IGF2R: variants seen among roughly 807,000 people sequenced by gnomAD.
IGF2R encodes the protein cation-independent mannose-6-phosphate receptor.
In IGF2R, 91 loss-of-function variants were observed where a neutral mutation model predicts 270.6. The observed-to-expected ratio is 0.34, with a 90% CI of 0.28 to 0.40. IGF2R has a LOEUF of 0.40. IGF2R is among the 10% of genes least tolerant of loss of function. IGF2R has a pLI of 1.00. For synonymous variants in IGF2R, 1,316 were observed against 1,258.9 expected, an observed-to-expected ratio of 1.05 and a Z score of -0.96; for missense variants, 2,805 against 3,188.3, an observed-to-expected ratio of 0.88 and a Z score of 2.90.
At chr6:160,066,416 G>T (rs768678868) in intron 29 of IGF2R, among the ~76,000 whole-genome samples, 2 of 152,088 alleles carry the variant, frequency 1.3e-5, no homozygotes, top group African/African-American at 2.4e-5. Flanking sequence ...GCCTCCCAAA[G>T]TGCTGGGATT....
intron 11 of IGF2R, among the ~76,000 whole-genome samples, chr6:160,042,135 G>A (rs535619668): frequency 2.2e-4 from 34 of 152,130 alleles, no homozygotes; most frequent in Non-Finnish European, 4.1e-4. Context: ...GTATTTGTGC[G>A]TAGATAGCCC....
intron 1 of IGF2R, among the ~76,000 whole-genome samples, chr6:159,980,175 C>T (rs1009417847): frequency 7.6e-5 from 8 of 105,376 alleles, no homozygotes; most frequent in East Asian, 7.2e-4. Flanking sequence ...AGTGAGACTC[C>T]GTCTCAAAAA....
intron 5 of IGF2R, among the ~76,000 whole-genome samples, chr6:160,025,650 A>T (rs1777543568): frequency 1.3e-5 from 2 of 152,204 alleles, no homozygotes; most frequent in South Asian, 4.1e-4. Context: ...AGGGCTCACC[A>T]AAAGTAACCA....
At chr6:160,098,381 T>TA (rs1437382885) in intron 45 of IGF2R, among the ~76,000 whole-genome samples, 6 of 151,858 alleles carry the variant, frequency 4.0e-5, no homozygotes, top group Non-Finnish European at 8.8e-5. Context: ...ATAAGGACTT[T>TA]AAAAAAAAGA....
intron 3 of IGF2R, 116 bp from the exon 4 acceptor site, chr6:160,010,571 G>C: frequency 3.0e-6 from 2 of 663,494 alleles, no homozygotes; most frequent in Non-Finnish European, 2.6e-6. Context: ...TGCATCCCCT[G>C]CCCTTCTTGC....
intron 1 of IGF2R, among the ~76,000 whole-genome samples, chr6:159,971,997 T>C (rs1157154769): frequency 6.6e-6 from 1 of 152,196 alleles, no homozygotes. Context: ...TTAAATACTT[T>C]TTGAAAACTT....
In IGF2R at chr6:160,096,575, C is replaced by G. The variant is rs986639072; in HGVS notation, c.6792C>G (p.Ala2264=). ...TCCCCGAGTTCAGTCACGAGACTGC[C>G]GACTGCCAGTACCTCTTCTCTTGGT... ...DGIPEFSHET[A]DCQYLFSWYT... Residue 2264 remains alanine (A), a synonymous_variant, in exon 45 of 48, where the codon GCC becomes GCG. Transcript: ENST00000356956. 8.1e-6 allele frequency: 13 copies of G among 1,613,982 alleles called. No homozygotes were observed. The highest frequency in any genetic ancestry group is 1.0e-5 in the Non-Finnish European group (12 of 1,180,002).
rs1460053849 is a variant in IGF2R at position 160,104,813 on chromosome 6, T to C, written c.7205T>C (p.Leu2402Pro). ...TTKSVKALSS[L>P]HGDDQDSEDE... ...AAGTCAGTGAAAGCCCTCAGCTCCC[T>C]GCATGGGGATGACCAGGACAGTGAG... The change falls in exon 48 of 48, where the codon CTG becomes CCG. Residue 2402 changes from leucine to proline, a missense_variant. Transcript: ENST00000356956. 1.9e-6 allele frequency: 3 copies of C among 1,614,032 alleles called. No individual in the cohort carries two copies. The highest frequency in any genetic ancestry group is 2.5e-6 in the Non-Finnish European group (3 of 1,180,024).
rs551232705 is a variant in IGF2R, at chr6:160,048,331, T to C, written c.2346-44T>C. The C allele has an allele frequency of 4.7e-5, 73 of 1,567,916 alleles. No individual in the cohort carries two copies. The South Asian group carries it at 5.6e-4, about 12-fold the overall frequency. On this transcript the variant is annotated intron_variant, in intron 17 of 47. Transcript: ENST00000356956. ...CATAGAAATAAATGAGACTGAAATG[T>C]GTAAGCTCTTTAAAAGCATATACAT...
rs1583279806 is a variant in IGF2R, at chr6:160,050,127, C to G, written c.2515-346C>G. 6.6e-6 allele frequency among the ~76,000 whole-genome samples: 1 copy of G among 152,330 alleles called. No homozygotes were observed. Among genetic ancestry groups the G allele is most frequent in the East Asian group, 1.9e-4 (1 of 5,184 alleles). On this transcript the variant is annotated intron_variant, in intron 18 of 47. Coordinates refer to ENST00000356956, the MANE Select transcript of IGF2R (RefSeq NM_000876.4). The surrounding 1 kb of genome is among the most constrained non-coding windows in gnomAD (Gnocchi z 4.0). Reference sequence around the variant, plus strand: ...CCGGAATTCAGGATCTGAAGAACATCTTACACGATTATTGAACGAAAGCCT... The same window carrying G: ...CCGGAATTCAGGATCTGAAGAACATGTTACACGATTATTGAACGAAAGCCT...
chr6:160,105,207 A>G lies in IGF2R; in HGVS notation c.*123A>G. The G allele has an allele frequency of 2.5e-6, 2 of 814,390 alleles. No homozygotes were observed. 50.4% of individuals were successfully genotyped at this position (814,390 alleles called of 1,614,324 possible). On this transcript the variant is annotated 3_prime_UTR_variant, in exon 48 of 48. Transcript: ENST00000356956. ...TTAACAGAAACTTTCAAAAGGGAAG[A>G]GTTTTTGTGATGGGGGAGAGGGTGA...
intron 1 of IGF2R, among the ~76,000 whole-genome samples, chr6:159,982,475 T>C (rs906885769): frequency 1.2e-4 from 18 of 152,250 alleles, no homozygotes; most frequent in African/African-American, 4.3e-4. Flanking sequence ...TGTTGCTTGC[T>C]GTAGACTCAG....
At position 160,081,474 on chromosome 6, in the gene IGF2R, C is replaced by T. The variant is rs563480240; in HGVS notation, c.5833+1199C>T. ...TCAGGGCAGGATCACAAGGTCAGCG[C>T]GAAACTAGAATCACTAAATAACTTC... On this transcript the variant is annotated intron_variant, in intron 39 of 47. Coordinates refer to ENST00000356956, the MANE Select transcript of IGF2R (RefSeq NM_000876.4). Among the ~76,000 whole-genome samples the T allele has an allele frequency of 1.8e-4, 28 of 152,258 alleles. 1 individual carries two copies. The highest frequency in any genetic ancestry group is 4.1e-4 in the South Asian group (2 of 4,822).
chr6:160,074,036 G>C, intron 35 of IGF2R, 61 bp downstream of exon 35: 1 of 1,250,590 alleles, frequency 8.0e-7, no homozygotes, highest in Admixed American at 2.1e-5. Context: ...GATAACCTTT[G>C]CGTTGTTTCT....
intron 13 of IGF2R, 119 bp downstream of exon 13, chr6:160,044,776 A>C (rs1350052089): frequency 3.7e-6 from 3 of 810,920 alleles, no homozygotes; most frequent in African/African-American, 1.8e-5. Context: ...CATGGTGTTC[A>C]GCATTTTGAG....
rs750302515 is a variant in IGF2R at position 160,070,046 on chromosome 6, C to T, written c.4431C>T (p.Ser1477=). 5.6e-6 allele frequency: 9 copies of T among 1,614,012 alleles called. No homozygotes were observed. Among genetic ancestry groups the T allele is most frequent in the African/African-American group, 2.7e-5 (2 of 74,938 alleles). ...KKSTTIRFTC[S]ESQVNSRPMF... ...CAACCACCATCCGATTCACCTGCAG[C>T]GAGAGCCAAGTGGTAAGGGACTGTT... Residue 1477 remains serine (S), a synonymous_variant, in exon 31 of 48, where the codon AGC becomes AGT. Transcript: ENST00000356956.
chr6:159,974,234 A>G (rs1213803457), intron 1 of IGF2R, among the ~76,000 whole-genome samples: 2 of 151,918 alleles, frequency 1.3e-5, no homozygotes, highest in East Asian at 3.8e-4. Flanking sequence ...CTGACTCATG[A>G]TGTTGAGCAA....
chr6:160,005,874 C>T (rs1399003966), intron 2 of IGF2R: 1 of 154,990 alleles, frequency 6.5e-6, no homozygotes, highest in Non-Finnish European at 1.4e-5. Flanking sequence ...CCCGCGCATC[C>T]TGGGCCTCTT....
At chr6:159,995,768 C>T (rs946710354) in intron 2 of IGF2R, among the ~76,000 whole-genome samples, 2 of 151,836 alleles carry the variant, frequency 1.3e-5, no homozygotes, top group African/African-American at 2.4e-5. Context: ...TTGACTTTCT[C>T]TTGGATCTTA....
Sources: allele counts gnomAD v4.1 joint callset (sites outside exome capture counted in the v4.1 genomes callset), GRCh38; gene constraint gnomAD v4.1.1; non-coding constraint Gnocchi (gnomAD v3.1); transcripts MANE v1.5; gene names NCBI Gene and HGNC (gene_info 2026-07-23, HGNC 2026-07-21).